The following BBX variants were observed in gnomAD, a reference collection of about 807,000 sequenced individuals.
The protein encoded by BBX is BBX high mobility group box domain containing.
A neutral mutation model predicts 100.2 loss-of-function variants in BBX; 30 were observed. The ratio of observed to expected loss-of-function variants is 0.30; its 90% CI spans 0.22 to 0.41. BBX has a LOEUF of 0.41. Ranked by LOEUF, BBX falls within the 10% of genes least tolerant of loss-of-function variation. The pLI is 1.00. For synonymous variants in BBX, 376 were observed against 388.1 expected, an observed-to-expected ratio of 0.97 and a Z score of 0.37; for missense variants, 1,023 against 1,129.8, an observed-to-expected ratio of 0.91 and a Z score of 1.35.
chr3:107,631,889 G>A (rs1342696166), intron 2 of BBX, among the ~76,000 whole-genome samples: 1 of 152,088 alleles, frequency 6.6e-6, no homozygotes, highest in South Asian at 2.1e-4. Context: ...AATTATTTTT[G>A]CATATATTTA....
At chr3:107,566,603 A>T (rs2050937964) in intron 2 of BBX, among the ~76,000 whole-genome samples, 3 of 127,548 alleles carry the variant, frequency 2.4e-5, no homozygotes, top group Non-Finnish European at 5.1e-5. Context: ...CTGCTTTAGT[A>T]TTTTTCCTAT....
intron 3 of BBX, among the ~76,000 whole-genome samples, chr3:107,701,606 A>G (rs2108197097): frequency 6.6e-6 from 1 of 152,350 alleles, no homozygotes; most frequent in East Asian, 1.9e-4. Context: ...AACATAATTC[A>G]TAGCTCACCA....
At chr3:107,727,233 T>C (rs1198209049) in intron 5 of BBX, among the ~76,000 whole-genome samples, 1 of 152,156 alleles carries the variant, frequency 6.6e-6, no homozygotes, top group Non-Finnish European at 1.5e-5. Flanking sequence ...CGTGTGCTTT[T>C]ACTGGGACAC....
intron 17 of BBX, among the ~76,000 whole-genome samples, chr3:107,803,586 A>G (rs2070754134): frequency 6.6e-6 from 1 of 152,250 alleles, no homozygotes. Flanking sequence ...AGTTGGAACA[A>G]ACCTTTGTTA....
chr3:107,639,791 A>G (rs1229871072), intron 2 of BBX, among the ~76,000 whole-genome samples: 1 of 152,168 alleles, frequency 6.6e-6, no homozygotes, highest in African/African-American at 2.4e-5. Context: ...TAAATCAGCT[A>G]ATGTATATTG....
At chr3:107,559,957 T>A (rs138437944) in intron 2 of BBX, among the ~76,000 whole-genome samples, 1,544 of 152,224 alleles carry the variant, frequency 0.01, 25 homozygotes, top group Middle Eastern at 0.017. Flanking sequence ...TTTCCCAGGC[T>A]GGTCTCGAAC....
rs377562069 is a variant in BBX, at chr3:107,552,771, T to C, written c.-84+26373T>C. The stretch of plus-strand genomic sequence containing the variant: ...TCTTTTGAAGTAACATGACAAATTC[T>C]AATATGGTTTCTTCATAATTTCCTT... On this transcript the variant is annotated intron_variant, in intron 2 of 17. Transcript: ENST00000325805. Among the ~76,000 whole-genome samples the C allele has an allele frequency of 1.0e-3, 158 of 152,354 alleles. 1 individual carries two copies. The highest frequency in any genetic ancestry group is 3.8e-3 in the African/African-American group (156 of 41,588).
chr3:107,681,750 A>G (rs1196930150), intron 3 of BBX, among the ~76,000 whole-genome samples: 2 of 152,120 alleles, frequency 1.3e-5, no homozygotes, highest in Non-Finnish European at 2.9e-5. Flanking sequence ...TCCTGTAGAA[A>G]TTCTGGAGAT....
At chr3:107,732,806 T>C in intron 6 of BBX, 150 bp from the exon 7 acceptor site, 1 of 626,362 alleles carries the variant, frequency 1.6e-6, no homozygotes, top group Non-Finnish European at 2.8e-6. Flanking sequence ...AGGTTACTGT[T>C]GCATAAAGAG....
chr3:107,615,049 G>C (rs543887761), intron 2 of BBX, among the ~76,000 whole-genome samples: 20 of 152,228 alleles, frequency 1.3e-4, no homozygotes, highest in Admixed American at 4.6e-4. Flanking sequence ...GTTTGGATTT[G>C]CATTTTGTAA....
chr3:107,555,406 C>T (rs1032155621), intron 2 of BBX, among the ~76,000 whole-genome samples: 3 of 152,130 alleles, frequency 2.0e-5, no homozygotes, highest in African/African-American at 7.2e-5. Flanking sequence ...AAGTAATTCA[C>T]CAATTGGGTC....
chr3:107,680,594 T>C (rs759115221), intron 3 of BBX, among the ~76,000 whole-genome samples: 4 of 152,192 alleles, frequency 2.6e-5, no homozygotes, highest in Non-Finnish European at 5.9e-5. Flanking sequence ...CTGAAACCAC[T>C]ATTTATGTAA....
chr3:107,731,141 T>C (rs1003386019), intron 6 of BBX, among the ~76,000 whole-genome samples: 6 of 152,218 alleles, frequency 3.9e-5, no homozygotes, highest in Non-Finnish European at 7.4e-5. Flanking sequence ...ATGTTTTTGA[T>C]AGTTCTAAAT....
intron 3 of BBX, among the ~76,000 whole-genome samples, chr3:107,706,397 A>G (rs1201991679): frequency 1.3e-5 from 2 of 152,146 alleles, no homozygotes; most frequent in Admixed American, 6.5e-5. Context: ...ATTCAGTACA[A>G]TGAATGTCAA....
At chr3:107,615,147 T>C (rs2055153384) in intron 2 of BBX, among the ~76,000 whole-genome samples, 1 of 152,172 alleles carries the variant, frequency 6.6e-6, no homozygotes, top group South Asian at 2.1e-4. Context: ...ATATTGGTGT[T>C]TCAACAAGCT....
chr3:107,779,020 T>TATATATATATATATATATATACAC (rs1449263925), intron 13 of BBX, among the ~76,000 whole-genome samples: 1 of 95,816 alleles, frequency 1.0e-5, no homozygotes, highest in Non-Finnish European at 2.1e-5. Flanking sequence ...TATATATATA[T>TATATATATATATATATATATACAC]ACACACACAC....
At chr3:107,631,927 GA>G (rs1434951106) in intron 2 of BBX, among the ~76,000 whole-genome samples, 13 of 152,252 alleles carry the variant, frequency 8.5e-5, no homozygotes, top group Non-Finnish European at 1.6e-4. Context: ...GTATTTATGG[GA>G]GAAGAAGATA....
chr3:107,783,293 A>G (rs377247343), intron 13 of BBX, among the ~76,000 whole-genome samples: 3 of 152,104 alleles, frequency 2.0e-5, no homozygotes, highest in East Asian at 3.9e-4. Flanking sequence ...TTTTATATCT[A>G]TAATTTGGGG....
At chr3:107,706,303 G>A (rs1306034420) in intron 3 of BBX, among the ~76,000 whole-genome samples, 4 of 152,068 alleles carry the variant, frequency 2.6e-5, no homozygotes, top group African/African-American at 9.7e-5. Flanking sequence ...GATTACAGAC[G>A]TGAGCCACCA....
Sources: gnomAD v4.1 joint callset for allele counts (sites outside exome capture counted in the v4.1 genomes callset) on GRCh38, gnomAD v4.1.1 for gene constraint, MANE v1.5 for transcripts, NCBI Gene and HGNC (gene_info 2026-07-23, HGNC 2026-07-21) for gene names.